CRPPA: variants seen among roughly 807,000 people sequenced by gnomAD.
CRPPA encodes CDP-L-ribitol pyrophosphorylase A.
A neutral mutation model predicts 52.0 loss-of-function variants in CRPPA; 43 were observed. That is an observed-to-expected ratio of 0.83 (90% CI 0.65 to 1.07). The LOEUF (loss-of-function observed/expected upper bound fraction) is 1.07. Ranked by LOEUF, CRPPA falls within the 50% of genes least tolerant of loss-of-function variation. The pLI is 0.00. For missense variants in CRPPA, 629 were observed against 551.7 expected, an observed-to-expected ratio of 1.14 and a Z score of -1.40; for synonymous variants, 250 against 203.5, an observed-to-expected ratio of 1.23 and a Z score of -1.94.
chr7:16,187,021 G>T (rs543753080), intron 9 of CRPPA, among the ~76,000 whole-genome samples: 37 of 152,240 alleles, frequency 2.4e-4, no homozygotes, highest in African/African-American at 8.7e-4. Context: ...TTAAGTGAAA[G>T]TTCCTCTTTC....
At chr7:16,248,364 G>A (rs550862120) in intron 8 of CRPPA, among the ~76,000 whole-genome samples, 56 of 152,092 alleles carry the variant, frequency 3.7e-4, no homozygotes, top group Non-Finnish European at 5.6e-4. Context: ...GAGAGCCTAT[G>A]TGCCTGTCTT....
chr7:16,337,596 G>C (rs1273782315), intron 3 of CRPPA, among the ~76,000 whole-genome samples: 2 of 151,876 alleles, frequency 1.3e-5, no homozygotes, highest in Non-Finnish European at 2.9e-5. Flanking sequence ...AAAAAAAATT[G>C]ACAACTGTTT....
chr7:16,356,986 T>C (rs1227192031), intron 3 of CRPPA, among the ~76,000 whole-genome samples: 2 of 152,064 alleles, frequency 1.3e-5, no homozygotes, highest in Admixed American at 6.6e-5. Context: ...TTTATCAAAC[T>C]CCTATTAATA....
intron 9 of CRPPA, among the ~76,000 whole-genome samples, chr7:16,094,701 G>C (rs1387082661): frequency 1.3e-5 from 2 of 152,036 alleles, no homozygotes; most frequent in Non-Finnish European, 2.9e-5. Context: ...AAATCATGCT[G>C]ATAGTATACA....
At chr7:16,397,893 C>T (rs530071625) in intron 2 of CRPPA, among the ~76,000 whole-genome samples, 1 of 152,246 alleles carries the variant, frequency 6.6e-6, no homozygotes, top group African/African-American at 2.4e-5. Flanking sequence ...CAACGTGTGA[C>T]CAAAGCATGT....
At chr7:16,112,173 G>T (rs542563777) in intron 9 of CRPPA, among the ~76,000 whole-genome samples, 3 of 152,206 alleles carry the variant, frequency 2.0e-5, no homozygotes, top group African/African-American at 7.2e-5. Flanking sequence ...AAATTAGCCA[G>T]GTGTGGTGGC....
At chr7:16,318,236 C>A (rs1785188714) in intron 3 of CRPPA, among the ~76,000 whole-genome samples, 1 of 152,138 alleles carries the variant, frequency 6.6e-6, no homozygotes, top group Non-Finnish European at 1.5e-5. Context: ...TTATTAGTAG[C>A]ACCCCAACTC....
At chr7:16,144,485 A>G (rs1297834952) in intron 9 of CRPPA, among the ~76,000 whole-genome samples, 1 of 152,240 alleles carries the variant, frequency 6.6e-6, no homozygotes, top group Non-Finnish European at 1.5e-5. Flanking sequence ...TTGGAAGGCC[A>G]GAAGGTTTTG....
intron 1 of CRPPA, among the ~76,000 whole-genome samples, chr7:16,415,184 T>C (rs549183542): frequency 5.9e-5 from 9 of 152,328 alleles, no homozygotes; most frequent in African/African-American, 2.2e-4. Context: ...ACTAAAACTG[T>C]TCTGATTTTG....
chr7:16,221,197 G>T (rs1368330141), intron 8 of CRPPA, among the ~76,000 whole-genome samples: 1 of 152,140 alleles, frequency 6.6e-6, no homozygotes, highest in African/African-American at 2.4e-5. Flanking sequence ...AATGGGGAAA[G>T]GATTCCCTAT....
chr7:16,260,087 A>G (rs1052882819), intron 6 of CRPPA, among the ~76,000 whole-genome samples: 1 of 151,992 alleles, frequency 6.6e-6, no homozygotes, highest in African/African-American at 2.4e-5. Flanking sequence ...AAAAAAAGAA[A>G]CCAGTATCCA....
intron 2 of CRPPA, among the ~76,000 whole-genome samples, chr7:16,404,826 G>C (rs1787912866): frequency 6.6e-6 from 1 of 152,146 alleles, no homozygotes; most frequent in Admixed American, 6.5e-5. Context: ...GAAGAGGAAG[G>C]AGTCAAGGGG....
chr7:16,161,024 C>G (rs1329598686), intron 9 of CRPPA, among the ~76,000 whole-genome samples: 2 of 152,162 alleles, frequency 1.3e-5, no homozygotes, highest in African/African-American at 2.4e-5. Context: ...TATCCTGAGA[C>G]TTTGCTGAAA....
chr7:16,295,607 T>C (rs1257940004), intron 5 of CRPPA, among the ~76,000 whole-genome samples: 1 of 152,074 alleles, frequency 6.6e-6, no homozygotes, highest in Non-Finnish European at 1.5e-5. Context: ...AATGCAATAG[T>C]TTATTTAGAA....
Position 16,188,374 on chromosome 7 carries a change from A to G in CRPPA, c.1251+27692T>C, listed in dbSNP as rs751142720. Among the ~76,000 whole-genome samples, 232 of 152,354 alleles carry G rather than the reference A, an allele frequency of 1.5e-3. 1 individual carries two copies. Among genetic ancestry groups the G allele is most frequent in the Non-Finnish European group, 2.4e-3 (161 of 68,036 alleles). ...TACATTAAATAGATGACTATTAAAT[A>G]CATAGTTCAATGATAAAGATAGCAG... On this transcript the variant is annotated intron_variant, in intron 9 of 9. Coordinates refer to ENST00000407010, the MANE Select transcript of CRPPA (RefSeq NM_001101426.4).
intron 9 of CRPPA, among the ~76,000 whole-genome samples, chr7:16,152,192 A>AT (rs1346944955): frequency 6.6e-6 from 1 of 152,034 alleles, no homozygotes; most frequent in Non-Finnish European, 1.5e-5. Context: ...TAATTCTAGC[A>AT]TTTTATGTAT....
chr7:16,283,007 T>C (rs1784348320), intron 5 of CRPPA, among the ~76,000 whole-genome samples: 1 of 152,072 alleles, frequency 6.6e-6, no homozygotes, highest in South Asian at 2.1e-4. Flanking sequence ...GTTTTCCTTT[T>C]ATATTTTCAA....
intron 9 of CRPPA, among the ~76,000 whole-genome samples, chr7:16,163,391 T>G (rs1196557081): frequency 6.6e-6 from 1 of 152,164 alleles, no homozygotes; most frequent in East Asian, 1.9e-4. Flanking sequence ...CATCACTTTA[T>G]TTTGAGCCTA....
intron 3 of CRPPA, among the ~76,000 whole-genome samples, chr7:16,323,067 C>A (rs1174728415): frequency 4.6e-5 from 7 of 152,086 alleles, no homozygotes; most frequent in Non-Finnish European, 8.8e-5. Context: ...TGGTACCGGC[C>A]TTGATACATG....
Sources: allele counts gnomAD v4.1 joint callset (sites outside exome capture counted in the v4.1 genomes callset), GRCh38; gene constraint gnomAD v4.1.1; transcripts MANE v1.5; gene names NCBI Gene and HGNC (gene_info 2026-07-23, HGNC 2026-07-21).